Variants in MYLIP observed in about 807,000 individuals in gnomAD.
MYLIP encodes myosin regulatory light chain interacting protein.
In MYLIP, 26 loss-of-function variants were observed where a neutral mutation model predicts 45.8. That is an observed-to-expected ratio of 0.57 (90% confidence interval 0.42 to 0.79). MYLIP has a LOEUF of 0.79. Among genes scored for constraint, MYLIP ranks in the 30% least tolerant of loss-of-function variants. The pLI is 0.00. For missense variants in MYLIP, 494 were observed against 555.6 expected (o/e 0.89, Z 1.11); for synonymous variants, 213 against 218.1 (o/e 0.98, Z 0.21).
Position 16,129,313 on chromosome 6 carries a change from AG to A in MYLIP, c.-9del. On this transcript the variant is annotated 5_prime_UTR_variant, in exon 1 of 7. Transcript: ENST00000356840. The surrounding 1 kb of genome is among the most constrained non-coding windows in gnomAD (Gnocchi z 5.1). The stretch of plus-strand genomic sequence containing the variant: ...AGAAGGCGGCTGTGGCGGCAGCGGC[AG>A]CCCCAGCCATGCTGTGTTATGTGAC... 6.4e-7 allele frequency: 1 copy of A among 1,558,158 alleles called. No homozygotes were observed. The highest frequency in any genetic ancestry group is 1.4e-5 in the African/African-American group (1 of 73,278).
chr6:16,158,217 A>C, the MYLIP span, among the ~76,000 whole-genome samples: 1 of 152,268 alleles, frequency 6.6e-6, no homozygotes, highest in Non-Finnish European at 1.5e-5. Flanking sequence ...CGTCCCCGCC[A>C]CTGAAGCAAG....
the MYLIP span, among the ~76,000 whole-genome samples, chr6:16,159,494 T>C: frequency 2.0e-5 from 3 of 152,204 alleles, no homozygotes; most frequent in Admixed American, 6.5e-5. Flanking sequence ...GTTAGCTAAC[T>C]GTGTTTGCTG....
At chr6:16,146,589 G>T in intron 6 of MYLIP, 73 bp from the exon 7 acceptor site, 1 of 1,126,242 alleles carries the variant, frequency 8.9e-7, no homozygotes, top group Non-Finnish European at 1.3e-6. Flanking sequence ...TAGAGACCAG[G>T]GGTGTGCACA....
the MYLIP span, among the ~76,000 whole-genome samples, chr6:16,163,082 C>T: frequency 5.9e-5 from 9 of 152,102 alleles, no homozygotes; most frequent in African/African-American, 1.9e-4. Flanking sequence ...TCTAGGTCAT[C>T]CTGACAACAT....
intron 6 of MYLIP, among the ~76,000 whole-genome samples, chr6:16,145,709 A>ATTC (rs1178384035): frequency 2.0e-5 from 3 of 152,068 alleles, no homozygotes; most frequent in Non-Finnish European, 4.4e-5. Flanking sequence ...TACTTAAGAT[A>ATTC]TTTGGGAAAG....
At chr6:16,153,844 C>A in the MYLIP span, among the ~76,000 whole-genome samples, 2 of 152,168 alleles carry the variant, frequency 1.3e-5, no homozygotes, top group Non-Finnish European at 2.9e-5. Flanking sequence ...AGCTGAAGTC[C>A]CTACAAATGT....
At chr6:16,152,086 T>G (rs1489372595), downstream of MYLIP, among the ~76,000 whole-genome samples, 1 of 152,114 alleles carries the variant, frequency 6.6e-6, no homozygotes, top group Non-Finnish European at 1.5e-5. Flanking sequence ...GTACAGGATT[T>G]GGATTGATGG....
At chr6:16,155,074 C>T in the MYLIP span, among the ~76,000 whole-genome samples, 1 of 152,138 alleles carries the variant, frequency 6.6e-6, no homozygotes, top group Non-Finnish European at 1.5e-5. Context: ...TGGCCCTTCT[C>T]CTCCCAGCTT....
At chr6:16,157,062 C>T in the MYLIP span, among the ~76,000 whole-genome samples, 1 of 152,244 alleles carries the variant, frequency 6.6e-6, no homozygotes, top group African/African-American at 2.4e-5. Context: ...CCCTGTCCCA[C>T]CTGCCATCCC....
intron 2 of MYLIP, chr6:16,141,424 C>A (rs535080750): frequency 1.4e-5 from 6 of 442,012 alleles, no homozygotes; most frequent in Middle Eastern, 4.9e-4. Flanking sequence ...TGGGTCACAA[C>A]TTTTATTCCA....
the MYLIP span, among the ~76,000 whole-genome samples, chr6:16,157,060 C>A: frequency 2.0e-5 from 3 of 152,230 alleles, no homozygotes; most frequent in African/African-American, 7.2e-5. Flanking sequence ...GTCCCTGTCC[C>A]ACCTGCCATC....
chr6:16,163,025 G>A, the MYLIP span, among the ~76,000 whole-genome samples: 4 of 151,948 alleles, frequency 2.6e-5, no homozygotes, highest in East Asian at 5.8e-4. Context: ...GAAGATGAGG[G>A]GTGCTAGCGC....
rs367710344 is a variant in MYLIP at position 16,143,247 on chromosome 6, A to G, written c.662+30A>G. 54 of 1,599,644 alleles carry G rather than the reference A, an allele frequency of 3.4e-5. No homozygotes were observed. In the African/African-American group the frequency reaches 6.4e-4, roughly 19 times the overall value. ...GCCAAGACTTAACTTTTTTTGACCT[A>G]AGCATGTGTATACATCTGTAGCTGT... On this transcript the variant is annotated intron_variant, in intron 4 of 6. Transcript: ENST00000356840.
the MYLIP span, among the ~76,000 whole-genome samples, chr6:16,161,899 T>G: frequency 1.3e-5 from 2 of 152,298 alleles, no homozygotes; most frequent in African/African-American, 4.8e-5. Context: ...TGGAATGGAC[T>G]GTCTATTAAG....
At chr6:16,130,835 C>G (rs979417060) in intron 2 of MYLIP, 88 bp downstream of exon 2, 2 of 1,328,960 alleles carry the variant, frequency 1.5e-6, no homozygotes, top group East Asian at 5.0e-5. Flanking sequence ...TACTCACAGG[C>G]AAGTTTGTTT....
intron 2 of MYLIP, 59 bp downstream of exon 2, chr6:16,130,806 C>T (rs1759442579): frequency 1.3e-6 from 2 of 1,498,698 alleles, no homozygotes; most frequent in Non-Finnish European, 1.8e-6. Flanking sequence ...TTAGAAGGGC[C>T]GCTGCACCTT....
At chr6:16,133,199 T>C (rs532269640) in intron 2 of MYLIP, among the ~76,000 whole-genome samples, 1 of 152,356 alleles carries the variant, frequency 6.6e-6, no homozygotes, top group South Asian at 2.1e-4. Context: ...CAGACTGCTA[T>C]GGGCCCAGCT....
chr6:16,131,035 A>AAACAAAAG (rs1759448290), intron 2 of MYLIP, among the ~76,000 whole-genome samples: 1 of 149,996 alleles, frequency 6.7e-6, no homozygotes, highest in African/African-American at 2.5e-5. Flanking sequence ...CCAGGAAAAA[A>AAACAAAAG]AAAAAAAAAA....
chr6:16,151,619 A>C (rs538186900), downstream of MYLIP, among the ~76,000 whole-genome samples: 1 of 152,350 alleles, frequency 6.6e-6, no homozygotes, highest in East Asian at 1.9e-4. Flanking sequence ...TTCTCATAGA[A>C]ATTCCAAAAC....
Sources: allele counts gnomAD v4.1 joint callset (sites outside exome capture counted in the v4.1 genomes callset), GRCh38; gene constraint gnomAD v4.1.1; non-coding constraint Gnocchi (gnomAD v3.1); transcripts MANE v1.5; gene names NCBI Gene and HGNC (gene_info 2026-07-23, HGNC 2026-07-21).